Variants in SACS observed in about 807,000 individuals in gnomAD.
SACS encodes sacsin molecular chaperone, also known as sacsin.
Under a neutral mutation model 348.0 loss-of-function variants are expected in SACS, and 197 were observed. The ratio of observed to expected loss-of-function variants is 0.57; its 90% CI spans 0.50 to 0.64. The LOEUF is 0.64. SACS is among the 30% of genes least tolerant of loss of function. The pLI is 0.00. For synonymous variants in SACS, 1,985 were observed against 1,910.6 expected (o/e 1.04, Z -1.02); for missense variants, 4,999 against 5,360.8 (o/e 0.93, Z 2.11).
In SACS at chr13:23,338,194, T is replaced by C. The variant is rs1198428071; in HGVS notation, c.5682A>G (p.Ser1894=). The C allele has an allele frequency of 1.2e-6, 2 of 1,614,038 alleles. No homozygotes were observed. The highest frequency in any genetic ancestry group is 2.7e-5 in the African/African-American group (2 of 74,924). The part of the protein sequence containing the change: ...VHINGCFAVT[S]NRKEIWKTDT... ...CTGTTTTCCAGATTTCTTTCCTATT[T>C]GATGTAACAGCAAAGCACCCATTGA... Residue 1894 remains serine, a synonymous_variant, in exon 10 of 10, where the codon TCA becomes TCG. Transcript: ENST00000382292.
Position 23,334,623 on chromosome 13 carries a change from C to G in SACS, c.9253G>C (p.Asp3085His). 6.2e-7 allele frequency: 1 copy of G among 1,613,422 alleles called. No homozygotes were observed. Among genetic ancestry groups the G allele is most frequent in the South Asian group, 1.1e-5 (1 of 91,054 alleles). ...ETANLYHCLIDADIPVSYVTP... is the reference protein window; with the variant it reads ...ETANLYHCLIHADIPVSYVTP... ...ACATAACTAACAGGAATATCTGCATCTATAAGACAGTGGTAAAGATTAGCA... is the reference window on the plus strand; with the variant it reads ...ACATAACTAACAGGAATATCTGCATGTATAAGACAGTGGTAAAGATTAGCA... The change falls in exon 10 of 10, where the codon GAT becomes CAT. Residue 3085 changes from aspartate (D) to histidine (H), a missense_variant. By Grantham distance (81) the Asp-to-His change is moderately conservative. Coordinates refer to ENST00000382292, the MANE Select transcript of SACS (RefSeq NM_014363.6).
Position 23,340,829 on chromosome 13 carries a change from A to G in SACS, c.3047T>C (p.Val1016Ala), listed in dbSNP as rs1446785337. 1 of 1,603,550 alleles carries G rather than the reference A, an allele frequency of 6.2e-7. No homozygotes were observed. The change falls in exon 10 of 10, where the codon GTC becomes GCC. Residue 1016 changes from valine (V) to alanine (A), a missense_variant. Val to Ala is a moderately conservative substitution (Grantham distance 64). Around this residue, in one of 6 missense-constraint regions of SACS, gnomAD observed 3,156 missense variants for 3,380.1 expected, o/e 0.93. Transcript: ENST00000382292. ...TTTAAGAGAAGATAGATTCTCAAGG[A>G]CCCATAACATAAGCTGTGTTACCTC... Reference protein sequence around the residue: ...HEEVTQLMLWVLENLSSLKNE... With the variant: ...HEEVTQLMLWALENLSSLKNE...
Position 23,385,564 on chromosome 13 carries a change from GT to G in SACS, c.21-10296del, listed in dbSNP as rs937969445. On this transcript the variant is annotated intron_variant, in intron 2 of 9. Coordinates refer to ENST00000382292, the MANE Select transcript of SACS (RefSeq NM_014363.6). ...GTAGTGATGAGGTTTCATCATGTTGGTTAGGCTGGTCTCGAATTCCTGACTT... is the reference window on the plus strand; with the variant it reads ...GTAGTGATGAGGTTTCATCATGTTGGTAGGCTGGTCTCGAATTCCTGACTT... 9.9e-5 allele frequency among the ~76,000 whole-genome samples: 15 copies of G among 152,132 alleles called. 1 individual carries two copies. The highest frequency in any genetic ancestry group is 3.4e-4 in the African/African-American group (14 of 41,502).
chr13:23,381,355 G>GCGCACACA lies in SACS; in HGVS notation c.21-6087_21-6086insTGTGTGCG, dbSNP rs143375673. ...TCTGGCTGGACATGGGCAGCACGAA[G>GCGCACACA]CACACACACACACACACACACACAC... On this transcript the variant is annotated intron_variant, in intron 2 of 9. Transcript: ENST00000382292. 2.4e-3 allele frequency among the ~76,000 whole-genome samples: 331 copies of GCGCACACA among 140,072 alleles called. 1 individual carries two copies. The highest frequency in any genetic ancestry group is 0.021 in the Middle Eastern group (6 of 282). The allele number at this position is 140,072 out of a possible 152,430, so 91.9% of individuals were successfully genotyped here. A position where few individuals can be genotyped will look rare whatever the true frequency, so the allele number is the denominator to read the frequency against.
intron 2 of SACS, among the ~76,000 whole-genome samples, chr13:23,398,172 CAA>C (rs1872784058): frequency 6.6e-6 from 1 of 151,578 alleles, no homozygotes; most frequent in African/African-American, 2.4e-5. Context: ...GCCTGGGCAA[CAA>C]GAGCGAAACT....
chr13:23,387,177 C>T (rs896386255), intron 2 of SACS, among the ~76,000 whole-genome samples: 1 of 151,842 alleles, frequency 6.6e-6, no homozygotes, highest in African/African-American at 2.4e-5. Context: ...AAACGAATGT[C>T]GGCCGGGCGC....
chr13:23,401,088 C>G (rs1872955704), intron 2 of SACS, among the ~76,000 whole-genome samples: 1 of 152,104 alleles, frequency 6.6e-6, no homozygotes, highest in African/African-American at 2.4e-5. Flanking sequence ...GAAAATGTGT[C>G]AATACCTGCA....
At chr13:23,359,295 A>G (rs926278289) in intron 6 of SACS, among the ~76,000 whole-genome samples, 1 of 152,250 alleles carries the variant, frequency 6.6e-6, no homozygotes, top group Non-Finnish European at 1.5e-5. Flanking sequence ...ACACACACAT[A>G]TATCTTTTAA....
In SACS at chr13:23,384,219, C is replaced by T. The variant is rs139264128; in HGVS notation, c.21-8950G>A. Among the ~76,000 whole-genome samples the T allele has an allele frequency of 3.9e-5, 6 of 152,338 alleles. No homozygotes were observed. The East Asian group carries it at 1.2e-3, about 29-fold the overall frequency. ...GCAGAAGGCTTTCTCTAGCCAAGCCCGTGCAAGGTGACTTCCGCCTTCGTA... is the reference window on the plus strand; with the variant it reads ...GCAGAAGGCTTTCTCTAGCCAAGCCTGTGCAAGGTGACTTCCGCCTTCGTA... On this transcript the variant is annotated intron_variant, in intron 2 of 9. Transcript: ENST00000382292.
At chr13:23,380,936 A>T (rs1297807058) in intron 2 of SACS, among the ~76,000 whole-genome samples, 4 of 152,190 alleles carry the variant, frequency 2.6e-5, no homozygotes, top group African/African-American at 4.8e-5. Flanking sequence ...TTCATTATTT[A>T]AAAAATTCAA....
At chr13:23,383,332 C>A (rs896020951) in intron 2 of SACS, among the ~76,000 whole-genome samples, 1 of 152,098 alleles carries the variant, frequency 6.6e-6, no homozygotes, top group Non-Finnish European at 1.5e-5. Context: ...ACTCAGGGCC[C>A]CAGCTGTTCT....
At chr13:23,390,544 G>C (rs1210040788) in intron 2 of SACS, among the ~76,000 whole-genome samples, 1 of 152,194 alleles carries the variant, frequency 6.6e-6, no homozygotes, top group East Asian at 1.9e-4. Context: ...TTTAGTGTGT[G>C]GGGGCACACA....
At chr13:23,383,366 C>A (rs1872148270) in intron 2 of SACS, among the ~76,000 whole-genome samples, 1 of 152,128 alleles carries the variant, frequency 6.6e-6, no homozygotes, top group South Asian at 2.1e-4. Context: ...CCTTTCTCCT[C>A]CAATCAACCC....
intron 2 of SACS, among the ~76,000 whole-genome samples, chr13:23,380,163 G>C (rs1181525560): frequency 6.6e-6 from 1 of 151,732 alleles, no homozygotes; most frequent in Non-Finnish European, 1.5e-5. Context: ...GAGAGAGAGA[G>C]AGAGAGAAAG....
intron 2 of SACS, among the ~76,000 whole-genome samples, chr13:23,376,908 TG>T (rs952906798): frequency 1.3e-5 from 2 of 152,172 alleles, no homozygotes; most frequent in Admixed American, 1.3e-4. Context: ...AAAAATAAGC[TG>T]GGTGTGGTGG....
chr13:23,375,681 C>T (rs1342849937), intron 2 of SACS: 8 of 548,818 alleles, frequency 1.5e-5, no homozygotes, highest in Non-Finnish European at 1.9e-5. Flanking sequence ...AGGGAACGCC[C>T]ATCCAGGCCC....
intron 2 of SACS, among the ~76,000 whole-genome samples, chr13:23,381,351 C>A (rs113457628): frequency 0.016 from 1,606 of 100,432 alleles, 42 homozygotes; most frequent in African/African-American, 0.057. Context: ...ATGGGCAGCA[C>A]GAAGCACACA....
rs140507581 is a variant in SACS at position 23,354,972 on chromosome 13, G to A, written c.1640C>T (p.Pro547Leu). 4.3e-5 allele frequency: 69 copies of A among 1,614,054 alleles called. No homozygotes were observed. The highest frequency in any genetic ancestry group is 7.7e-5 in the South Asian group (7 of 91,094). ...EASKVKVHWQ[P>L]VLEPLFSELL... ...CTCGCTGAATAGAGGCTCTAACACC[G>A]GTTGCCAGTGCACCTTGACTTTGCT... Residue 547 changes from proline (P) to leucine (L), a missense_variant, in exon 8 of 10, where the codon CCG (proline) becomes CTG (leucine). Pro to Leu is a moderately conservative substitution (Grantham distance 98). Around this residue, in one of 6 missense-constraint regions of SACS, gnomAD observed 3,156 missense variants for 3,380.1 expected, o/e 0.93. Coordinates refer to ENST00000382292, the MANE Select transcript of SACS (RefSeq NM_014363.6).
In SACS at chr13:23,395,856, T is replaced by C. The variant is rs80347147; in HGVS notation, c.20+15364A>G. Among the ~76,000 whole-genome samples, 444 of 152,308 alleles carry C rather than the reference T, an allele frequency of 2.9e-3. 2 individuals are homozygous for C. The highest frequency in any genetic ancestry group is 5.6e-3 in the Non-Finnish European group (382 of 68,028). ...CTTTTTACCTGACATGTAGCTACAA[T>C]ATTCGAATGAAAGCTACAAGGTCTC... On this transcript the variant is annotated intron_variant, in intron 2 of 9. Transcript: ENST00000382292.
Sources: allele counts gnomAD v4.1 joint callset (sites outside exome capture counted in the v4.1 genomes callset), GRCh38; gene constraint gnomAD v4.1.1; regional missense constraint gnomAD v4.1.1; transcripts MANE v1.5; gene names NCBI Gene and HGNC (gene_info 2026-07-23, HGNC 2026-07-21).